Variants in MAGI2 observed in about 807,000 individuals in gnomAD.
MAGI2 encodes the protein membrane associated guanylate kinase, WW and PDZ domain containing 2, also known as membrane-associated guanylate kinase, WW and PDZ domain-containing protein 2.
MAGI2 carries 35 observed loss-of-function variants against 133.3 expected under a neutral mutation model. The ratio of observed to expected loss-of-function variants is 0.26; its 90% CI spans 0.20 to 0.35. The LOEUF is 0.35. Ranked by LOEUF, MAGI2 falls within the 10% of genes least tolerant of loss-of-function variation. MAGI2 has a pLI of 1.00. For missense variants in MAGI2, 1,636 were observed against 1,863.4 expected (o/e 0.88, Z 2.25); for synonymous variants, 729 against 710.6 (o/e 1.03, Z -0.41).
intron 20 of MAGI2, among the ~76,000 whole-genome samples, chr7:78,096,183 G>A (rs967562754): frequency 1.3e-5 from 2 of 152,240 alleles, no homozygotes; most frequent in Admixed American, 6.5e-5. Flanking sequence ...CACTGTGGAG[G>A]AAGATAATGT....
intron 1 of MAGI2, among the ~76,000 whole-genome samples, chr7:79,376,602 A>G (rs1843395026): frequency 6.6e-6 from 1 of 151,874 alleles, no homozygotes; most frequent in African/African-American, 2.4e-5. Flanking sequence ...AGCGTCTACA[A>G]TGTAGATGCC....
chr7:78,298,487 A>G (rs369462903), intron 9 of MAGI2, among the ~76,000 whole-genome samples: 76 of 152,312 alleles, frequency 5.0e-4, no homozygotes, highest in African/African-American at 1.7e-3. Flanking sequence ...TACTGTCTTC[A>G]CAATTTTTCT....
chr7:78,080,619 A>C (rs1383225597), intron 20 of MAGI2, among the ~76,000 whole-genome samples: 1 of 152,190 alleles, frequency 6.6e-6, no homozygotes, highest in Non-Finnish European at 1.5e-5. Context: ...ATATAGAAAA[A>C]GTGTTCCTTC....
At chr7:78,607,246 G>C (rs928981339) in intron 3 of MAGI2, among the ~76,000 whole-genome samples, 1 of 152,072 alleles carries the variant, frequency 6.6e-6, no homozygotes, top group Non-Finnish European at 1.5e-5. Flanking sequence ...TGGCTGCTAG[G>C]GGGCAGTCAT....
chr7:78,278,901 A>C (rs1240266693), intron 9 of MAGI2, among the ~76,000 whole-genome samples: 1 of 152,198 alleles, frequency 6.6e-6, no homozygotes, highest in Non-Finnish European at 1.5e-5. Flanking sequence ...CAGAGACCAA[A>C]GCTCAAATTT....
chr7:79,305,810 G>T (rs907880083), intron 1 of MAGI2, among the ~76,000 whole-genome samples: 1 of 151,936 alleles, frequency 6.6e-6, no homozygotes, highest in Non-Finnish European at 1.5e-5. Flanking sequence ...AGTCCCAGCT[G>T]CTTGGGAGGC....
chr7:78,746,502 A>C (rs1822941061), intron 2 of MAGI2, among the ~76,000 whole-genome samples: 1 of 152,188 alleles, frequency 6.6e-6, no homozygotes, highest in Admixed American at 6.5e-5. Context: ...GGCTTTACTC[A>C]GTCTAAAATC....
chr7:78,649,102 G>T (rs903396325), intron 2 of MAGI2, among the ~76,000 whole-genome samples: 2 of 151,544 alleles, frequency 1.3e-5, no homozygotes. Flanking sequence ...GATCTTGAGT[G>T]CCTTGTTAAA....
chr7:78,814,159 G>A (rs1187293903), intron 2 of MAGI2, among the ~76,000 whole-genome samples: 1 of 152,126 alleles, frequency 6.6e-6, no homozygotes, highest in African/African-American at 2.4e-5. Context: ...TAATGTCATA[G>A]GATACGAGGC....
At chr7:79,161,250 G>A (rs561225630) in intron 1 of MAGI2, among the ~76,000 whole-genome samples, 53 of 152,114 alleles carry the variant, frequency 3.5e-4, no homozygotes, top group African/African-American at 1.2e-3. Flanking sequence ...TTTAGGAAAT[G>A]TTAACTGAAC....
chr7:78,540,881 C>A (rs1440811275), intron 3 of MAGI2, among the ~76,000 whole-genome samples: 2 of 152,204 alleles, frequency 1.3e-5, no homozygotes, highest in African/African-American at 4.8e-5. Context: ...TCGGGTTCCC[C>A]AGCGAGATGT....
chr7:78,961,415 C>A (rs546714063), intron 2 of MAGI2, among the ~76,000 whole-genome samples: 1 of 152,106 alleles, frequency 6.6e-6, no homozygotes, highest in East Asian at 1.9e-4. Context: ...CTTTTCTATC[C>A]CAGAAAAACA....
At chr7:78,687,969 TAAAAAAAAAAAA>T (rs72030909) in intron 2 of MAGI2, among the ~76,000 whole-genome samples, 1,833 of 67,222 alleles carry the variant, frequency 0.027, 59 homozygotes, top group African/African-American at 0.09. Context: ...GTCCTTGCCT[TAAAAAAAAAAAA>T]AAAAAAAAAA....
intron 1 of MAGI2, among the ~76,000 whole-genome samples, chr7:79,158,329 G>C (rs752401499): frequency 5.9e-4 from 89 of 151,460 alleles, no homozygotes; most frequent in Non-Finnish European, 8.0e-4. Context: ...TAATTAATTG[G>C]CTTAAAAAAT....
chr7:79,095,744 C>T (rs1161197495), intron 1 of MAGI2, among the ~76,000 whole-genome samples: 1 of 152,114 alleles, frequency 6.6e-6, no homozygotes, highest in Non-Finnish European at 1.5e-5. Context: ...ACAACAGTAA[C>T]ACCAAAGGTT....
At chr7:79,169,165 C>T (rs1012156582) in intron 1 of MAGI2, among the ~76,000 whole-genome samples, 7 of 152,006 alleles carry the variant, frequency 4.6e-5, no homozygotes, top group African/African-American at 1.7e-4. Context: ...TTTGCAAGCT[C>T]CTTTGCTTTT....
chr7:78,128,715 T>C (rs1255832184), intron 18 of MAGI2, among the ~76,000 whole-genome samples: 1 of 152,170 alleles, frequency 6.6e-6, no homozygotes, highest in East Asian at 1.9e-4. Context: ...AATAGATGTA[T>C]TTACTTGGGG....
intron 2 of MAGI2, among the ~76,000 whole-genome samples, chr7:78,903,411 G>T (rs1252538149): frequency 6.6e-6 from 1 of 151,760 alleles, no homozygotes; most frequent in South Asian, 2.1e-4. Flanking sequence ...TAGCCAGGAT[G>T]GTCTCGATCT....
chr7:78,728,044 G>C (rs1442818843), intron 2 of MAGI2, among the ~76,000 whole-genome samples: 1 of 152,052 alleles, frequency 6.6e-6, no homozygotes. Context: ...TGATAGTTAG[G>C]GAATGCCTAA....
Sources: allele counts gnomAD v4.1 joint callset (sites outside exome capture counted in the v4.1 genomes callset), GRCh38; gene constraint gnomAD v4.1.1; transcripts MANE v1.5; gene names NCBI Gene and HGNC (gene_info 2026-07-23, HGNC 2026-07-21).